Variants in SCAF11 observed in about 807,000 individuals in gnomAD.
SCAF11 encodes the protein protein SCAF11.
Under a neutral mutation model 140.5 loss-of-function variants are expected in SCAF11, and 47 were observed. The ratio of observed to expected loss-of-function variants is 0.33; its 90% CI spans 0.26 to 0.43. SCAF11 has a LOEUF of 0.43. Among genes scored for constraint, SCAF11 ranks in the 20% least tolerant of loss-of-function variants. The pLI is 1.00. For missense variants in SCAF11, 1,645 were observed against 1,705.1 expected, an observed-to-expected ratio of 0.96 and a Z score of 0.62; for synonymous variants, 557 against 579.4, an observed-to-expected ratio of 0.96 and a Z score of 0.55.
upstream of SCAF11, chr12:45,990,594 T>C (rs944351030): frequency 6.5e-6 from 8 of 1,227,700 alleles, no homozygotes; most frequent in Admixed American, 2.5e-4. Flanking sequence ...CCGCCTTGTC[T>C]AGCCTCCTCC....
At chr12:45,968,817 G>A (rs536241429) in intron 1 of SCAF11, among the ~76,000 whole-genome samples, 1 of 152,200 alleles carries the variant, frequency 6.6e-6, no homozygotes, top group East Asian at 1.9e-4. Context: ...TGTAATCCCA[G>A]CTACAGGCTG....
chr12:45,954,304 T>C lies in SCAF11; in HGVS notation c.220-2577A>G, dbSNP rs115021305. On this transcript the variant is annotated intron_variant, in intron 3 of 14. Transcript: ENST00000369367. ...TGGAGTGCAGTGGCACTATCATGGG[T>C]CACTAAGGCCTTTGCCTCCCAGACT... is the stretch of plus-strand genomic sequence containing the variant. Among the ~76,000 whole-genome samples the C allele has an allele frequency of 4.8e-3, 735 of 152,196 alleles. 8 individuals carry two copies. Among genetic ancestry groups the C allele is most frequent in the African/African-American group, 0.017 (697 of 41,534 alleles).
At chr12:45,953,762 C>T (rs1193842098) in intron 3 of SCAF11, 7 of 394,576 alleles carry the variant, frequency 1.8e-5, no homozygotes, top group Admixed American at 1.1e-4. Flanking sequence ...TTAATAAACT[C>T]GAGCAAGTTA....
rs1310679818 is a variant in SCAF11 at position 45,921,991 on chromosome 12, A to G, written c.*57T>C. On this transcript the variant is annotated 3_prime_UTR_variant, in exon 15 of 15. Coordinates refer to ENST00000369367, the MANE Select transcript of SCAF11 (RefSeq NM_004719.3). ...ATGTATGATTTTCAGTTAATGGTACATGTTGAAATTGCACTTTGCAGATAT... is the reference window on the plus strand; with the variant it reads ...ATGTATGATTTTCAGTTAATGGTACGTGTTGAAATTGCACTTTGCAGATAT... 6.5e-7 allele frequency: 1 copy of G among 1,546,930 alleles called. No individual in the cohort carries two copies. The highest frequency in any genetic ancestry group is 1.4e-5 in the African/African-American group (1 of 72,108).
chr12:45,968,951 C>A (rs1373095205), intron 1 of SCAF11, among the ~76,000 whole-genome samples: 1 of 152,060 alleles, frequency 6.6e-6, no homozygotes, highest in African/African-American at 2.4e-5. Flanking sequence ...ACGCAAAAAA[C>A]AAAAACGGTC....
chr12:45,933,716 G>C (rs540317463), intron 8 of SCAF11, among the ~76,000 whole-genome samples: 2 of 151,938 alleles, frequency 1.3e-5, no homozygotes, highest in South Asian at 4.2e-4. Context: ...TCACACAATC[G>C]TATTCTGTGC....
At chr12:45,963,115 G>C (rs1330670593) in intron 2 of SCAF11, among the ~76,000 whole-genome samples, 1 of 152,156 alleles carries the variant, frequency 6.6e-6, no homozygotes. Flanking sequence ...ATAAGACATA[G>C]CCTGTGAAAC....
chr12:45,937,196 T>A (rs1945191481), intron 6 of SCAF11, among the ~76,000 whole-genome samples: 1 of 152,192 alleles, frequency 6.6e-6, no homozygotes, highest in Admixed American at 6.5e-5. Context: ...CGATATTGAA[T>A]CTCTTAAATG....
At position 45,922,979 on chromosome 12, in the gene SCAF11, C is replaced by G; in HGVS notation, c.4082G>C (p.Ser1361Thr). 6.2e-7 allele frequency: 1 copy of G among 1,614,178 alleles called. No homozygotes were observed. Among genetic ancestry groups the G allele is most frequent in the South Asian group, 1.1e-5 (1 of 91,088 alleles). ...ATCTGCGCTGGCTTCCACTGCAACA[C>G]TTACTTTGCTTTCTGCCAATTTTAC... ...AAVKLAESKV[S>T]VAVEASADSS... Residue 1361 changes from serine to threonine, a missense_variant, in exon 13 of 15, where the codon AGT (serine) becomes ACT (threonine). This residue lies in a region of SCAF11 where 1,582 missense variants were observed against 1,609.2 expected (regional missense o/e 0.98). Transcript: ENST00000369367.
intron 4 of SCAF11, among the ~76,000 whole-genome samples, chr12:45,949,248 C>A (rs188266920): frequency 1.4e-3 from 207 of 152,164 alleles, no homozygotes; most frequent in African/African-American, 4.5e-3. Context: ...CAGTCACTAG[C>A]CACATATGGC....
At chr12:45,964,785 G>C (rs1221316372) in intron 1 of SCAF11, among the ~76,000 whole-genome samples, 1 of 152,194 alleles carries the variant, frequency 6.6e-6, no homozygotes, top group East Asian at 1.9e-4. Flanking sequence ...GATCAATTTG[G>C]AATAGAGTTT....
chr12:45,928,730 G>A lies in SCAF11; in HGVS notation c.971C>T (p.Thr324Ile). The stretch of plus-strand genomic sequence containing the variant: ...GGCTGTTTCAGCTCTTGTGTTACGT[G>A]TAGACCTCCTTGTAGGAGTTGTCAT... Reference protein sequence around the residue: ...PAMTTPTRRSTRNTRAETASQ... With the variant: ...PAMTTPTRRSIRNTRAETASQ... The change falls in exon 11 of 15, where the codon ACA becomes ATA. Residue 324 changes from threonine (T) to isoleucine (I), a missense_variant. Coordinates refer to ENST00000369367, the MANE Select transcript of SCAF11 (RefSeq NM_004719.3). The A allele has an allele frequency of 6.2e-7, 1 of 1,614,052 alleles. No individual in the cohort carries two copies. Among genetic ancestry groups the A allele is most frequent in the Non-Finnish European group, 8.5e-7 (1 of 1,179,986 alleles).
chr12:45,928,047 T>C lies in SCAF11; in HGVS notation c.1654A>G (p.Thr552Ala). Reference sequence around the variant, plus strand: ...ACTTTGCTTTCAGATGTTAAACATGTAGGAAAATCATTTGGAAGATGAACT... The same window carrying C: ...ACTTTGCTTTCAGATGTTAAACATGCAGGAAAATCATTTGGAAGATGAACT... ...CTVHLPNDFPTCLTSESKVYQ... is the reference protein window; with the variant it reads ...CTVHLPNDFPACLTSESKVYQ... Residue 552 changes from threonine to alanine, a missense_variant, in exon 11 of 15, where the codon ACA becomes GCA. By Grantham distance (58) the Thr-to-Ala change is moderately conservative. Transcript: ENST00000369367. 1.2e-6 allele frequency: 2 copies of C among 1,613,722 alleles called. No individual in the cohort carries two copies. Among genetic ancestry groups the C allele is most frequent in the Non-Finnish European group, 1.7e-6 (2 of 1,180,000 alleles).
chr12:45,960,499 A>C (rs1344974178), intron 3 of SCAF11: 4 of 152,150 alleles, frequency 2.6e-5, no homozygotes, highest in African/African-American at 9.6e-5. Context: ...GAAAAAAAAT[A>C]TGCATTATTT....
At chr12:45,962,327 T>C (rs1233840172) in intron 2 of SCAF11, among the ~76,000 whole-genome samples, 1 of 152,212 alleles carries the variant, frequency 6.6e-6, no homozygotes, top group Non-Finnish European at 1.5e-5. Flanking sequence ...AATCTATTGA[T>C]GGACATTCAC....
At chr12:45,965,191 T>A (rs4768100) in intron 1 of SCAF11, among the ~76,000 whole-genome samples, 44,030 of 152,000 alleles carry the variant, frequency 0.29, 6,624 homozygotes, top group East Asian at 0.33. Context: ...TGAATTTTTT[T>A]AAAAAAGATA....
chr12:45,925,162 T>A, intron 11 of SCAF11, 88 bp from the exon 12 acceptor site: 2 of 976,932 alleles, frequency 2.0e-6, no homozygotes, highest in Non-Finnish European at 3.0e-6. Flanking sequence ...ACAGTAAAAT[T>A]AAATAGCAAT....
intron 10 of SCAF11, chr12:45,929,798 C>T (rs1944997927): frequency 6.6e-6 from 1 of 152,152 alleles, no homozygotes; most frequent in African/African-American, 2.4e-5. Context: ...TATGCACTAC[C>T]TCACATAGTT....
chr12:45,990,655 G>A, upstream of SCAF11: 1 of 1,120,572 alleles, frequency 8.9e-7, no homozygotes, highest in Non-Finnish European at 1.1e-6. Flanking sequence ...CCTCGCTGTC[G>A]GCGCGCTAAG....
Sources: allele counts gnomAD v4.1 joint callset (sites outside exome capture counted in the v4.1 genomes callset), GRCh38; gene constraint gnomAD v4.1.1; regional missense constraint gnomAD v4.1.1; transcripts MANE v1.5; gene names NCBI Gene and HGNC (gene_info 2026-07-23, HGNC 2026-07-21).